Variants in RTEL1 observed in about 807,000 individuals in gnomAD.
The protein encoded by RTEL1 is regulator of telomere elongation helicase 1, also known as regulator of telomere length.
A neutral mutation model predicts 162.2 loss-of-function variants in RTEL1; 86 were observed. The observed-to-expected ratio is 0.53, with a 90% confidence interval of 0.45 to 0.63. The LOEUF (loss-of-function observed/expected upper bound fraction) is 0.63, where lower values mean the gene tolerates loss of function less well. Ranked by LOEUF, RTEL1 falls within the 30% of genes least tolerant of loss-of-function variation. The pLI, the probability that RTEL1 is intolerant of heterozygous loss-of-function variation, is 0.00. For missense variants in RTEL1, 1,941 were observed against 1,750.2 expected (o/e 1.11, Z -1.95); for synonymous variants, 958 against 717.9 (o/e 1.33, Z -5.35).
chr20:63,682,138 A>G, intron 14 of RTEL1: 2 of 985,468 alleles, frequency 2.0e-6, no homozygotes, highest in Non-Finnish European at 2.4e-6. Context: ...CTTATGGAGA[A>G]GTCTCCTCCA....
chr20:63,685,904 G>T (rs41310193), intron 16 of RTEL1, 32 bp downstream of exon 16: 1 of 1,594,916 alleles, frequency 6.3e-7, no homozygotes, highest in Non-Finnish European at 8.6e-7. Flanking sequence ...CTCCCCGCCC[G>T]CCCGGGTGCA....
Position 63,661,455 on chromosome 20 carries a change from C to T in RTEL1, c.260C>T (p.Ser87Leu). The change falls in exon 3 of 35, where the codon TCA (serine) becomes TTA (leucine). Residue 87 changes from serine (S) to leucine (L), a missense_variant. Ser to Leu is a moderately radical substitution (Grantham distance 145). Coordinates refer to ENST00000360203, the MANE Select transcript of RTEL1 (RefSeq NM_001283009.2). This position sits in a 1 kb window ranked among gnomAD's most constrained non-coding sequence, Gnocchi z 5.1. ...QGELFPDRAL[S>L]SWGNAAAAAG... ...GAGCTTTTCCCGGATCGGGCCTTGT[C>T]ATCCTGGGGCAACGCTGCTGCTGCT... 6.2e-7 allele frequency: 1 copy of T among 1,613,278 alleles called. No individual in the cohort carries two copies. The highest frequency in any genetic ancestry group is 1.7e-5 in the Admixed American group (1 of 60,018).
intron 8 of RTEL1, among the ~76,000 whole-genome samples, chr20:63,670,927 A>G (rs1202081775): frequency 1.3e-5 from 2 of 152,198 alleles, no homozygotes; most frequent in South Asian, 4.1e-4. Flanking sequence ...CCACAGGTGA[A>G]TGGACAGACC....
At chr20:63,663,688 G>A (rs1275657135) in intron 6 of RTEL1, among the ~76,000 whole-genome samples, 2 of 152,220 alleles carry the variant, frequency 1.3e-5, no homozygotes, top group East Asian at 3.9e-4. Context: ...GTGCTTCTGT[G>A]GGATCAGGGT....
Position 63,695,636 on chromosome 20 carries a change from C to G in RTEL1, c.3808C>G (p.Gln1270Glu). The G allele has an allele frequency of 6.2e-7, 1 of 1,611,454 alleles. No homozygotes were observed. The highest frequency in any genetic ancestry group is 1.1e-5 in the South Asian group (1 of 91,064). Residue 1270 changes from glutamine to glutamate, a missense_variant, in exon 34 of 35, where the codon CAA becomes GAA. Physicochemically the swap from Gln to Glu is conservative, Grantham distance 29 (BLOSUM62 2). Transcript: ENST00000360203. ...CDFQRCQACWQRHLQASRMCP... is the reference protein window; with the variant it reads ...CDFQRCQACWERHLQASRMCP... ...CTTCCAGCGCTGCCAAGCCTGCTGG[C>G]AACGGCACCTTCAGGTTGGTGCCTG...
At chr20:63,666,132 C>T in intron 7 of RTEL1, 53 bp downstream of exon 7, 1 of 1,414,326 alleles carries the variant, frequency 7.1e-7, no homozygotes, top group Non-Finnish European at 9.9e-7. Context: ...CCCAGCTCTC[C>T]TGTGACCTGT....
At chr20:63,676,905 A>G (rs932440680) in intron 10 of RTEL1, among the ~76,000 whole-genome samples, 9 of 112,634 alleles carry the variant, frequency 8.0e-5, no homozygotes, top group African/African-American at 1.9e-4. Context: ...ATTGCACTCC[A>G]GCCTGGCGAC....
chr20:63,677,455 A>G (rs569315352), intron 10 of RTEL1, among the ~76,000 whole-genome samples: 5 of 152,164 alleles, frequency 3.3e-5, no homozygotes, highest in African/African-American at 7.2e-5. Context: ...TCTCTACTAA[A>G]AATGCGAAAA....
At position 63,692,909 on chromosome 20, in the gene RTEL1, G is replaced by A. The variant is rs1384223139; in HGVS notation, c.2757G>A (p.Leu919=). 1.1e-5 allele frequency: 18 copies of A among 1,612,550 alleles called. No individual in the cohort carries two copies. Among genetic ancestry groups the A allele is most frequent in the Non-Finnish European group, 1.4e-5 (17 of 1,179,872 alleles). Residue 919 remains leucine (L), a synonymous_variant, in exon 29 of 35, where the codon CTG becomes CTA. Coordinates refer to ENST00000360203, the MANE Select transcript of RTEL1 (RefSeq NM_001283009.2). Reference sequence around the variant, plus strand: ...ACTTTGCCACCTTCACCCAGGCCCTGCAGGACTACAAGGGTTCCGATGACT... The same window carrying A: ...ACTTTGCCACCTTCACCCAGGCCCTACAGGACTACAAGGGTTCCGATGACT... The part of the protein sequence containing the change: ...QANFATFTQA[L]QDYKGSDDFA...
At chr20:63,683,583 C>T (rs1051857686) in intron 14 of RTEL1, among the ~76,000 whole-genome samples, 1 of 152,192 alleles carries the variant, frequency 6.6e-6, no homozygotes, top group Non-Finnish European at 1.5e-5. Flanking sequence ...GTGGTGTCTG[C>T]CCCCCGGTGT....
At chr20:63,688,473 C>T in intron 20 of RTEL1, 55 bp from the exon 21 acceptor site, 4 of 1,606,600 alleles carry the variant, frequency 2.5e-6, no homozygotes, top group Non-Finnish European at 2.6e-6. Context: ...TGCTTGCCCT[C>T]ATCGGATCGG....
At chr20:63,685,952 C>A (rs921291277) in intron 16 of RTEL1, 80 bp downstream of exon 16, 1 of 1,380,412 alleles carries the variant, frequency 7.2e-7, no homozygotes, top group South Asian at 1.2e-5. Context: ...AGGCACATGC[C>A]CAGCCGTGGA....
In RTEL1 at chr20:63,673,934, C is replaced by G. The variant is rs1159415092; in HGVS notation, c.766-6C>G. ...CTGTGGTGATTCGGGTGTGCTTGGG[C>G]TCTAGGAGAAGATGTGTGAAGAATC... On this transcript the variant is annotated splice_region_variant and splice_polypyrimidine_tract_variant and intron_variant, in intron 9 of 34. Transcript: ENST00000360203. The G allele has an allele frequency of 1.2e-6, 2 of 1,607,412 alleles. No individual in the cohort carries two copies. The highest frequency in any genetic ancestry group is 2.2e-5 in the East Asian group (1 of 44,780).
rs757015591 is a variant in RTEL1, at chr20:63,662,898, A to G, written c.538+9A>G. On this transcript the variant is annotated intron_variant, in intron 6 of 34. Transcript: ENST00000360203. ...CTACAACAACGTAGAAGGTACAAGC[A>G]GCTGGGTGGGACCAGGGTCGGGTTG... 1.2e-6 allele frequency: 2 copies of G among 1,613,658 alleles called. No homozygotes were observed. Among genetic ancestry groups the G allele is most frequent in the Non-Finnish European group, 8.5e-7 (1 of 1,179,702 alleles).
chr20:63,682,705 C>G, intron 14 of RTEL1: 1 of 985,742 alleles, frequency 1.0e-6, no homozygotes, highest in Middle Eastern at 5.2e-4. Context: ...GCCTGCAGCC[C>G]TGAGTCACAG....
At position 63,690,494 on chromosome 20, in the gene RTEL1, G is replaced by A. The variant is rs576628995; in HGVS notation, c.2413+53G>A. 3.9e-4 allele frequency: 524 copies of A among 1,336,840 alleles called. 1 individual carries two copies. In the African/African-American group the frequency reaches 6.9e-3, roughly 18 times the overall value. 82.8% of individuals were successfully genotyped at this position (1,336,840 alleles called of 1,614,324 possible). On this transcript the variant is annotated intron_variant, in intron 26 of 34. Coordinates refer to ENST00000360203, the MANE Select transcript of RTEL1 (RefSeq NM_001283009.2). ...GTGTGGGGGTGGCGGAGCGGGCGGC[G>A]TGGGGCGGGCAGCACCAGGCGCCCA...
intron 26 of RTEL1, 93 bp downstream of exon 26, chr20:63,690,534 C>CA (rs771047249): frequency 7.8e-6 from 11 of 1,408,812 alleles, no homozygotes; most frequent in Non-Finnish European, 9.4e-6. Flanking sequence ...GGAGGCGACT[C>CA]ACCTGGCTTT....
chr20:63,673,665 C>T (rs2090290196), intron 9 of RTEL1, among the ~76,000 whole-genome samples: 1 of 152,144 alleles, frequency 6.6e-6, no homozygotes, highest in Non-Finnish European at 1.5e-5. Context: ...TCTTGAACCC[C>T]TGAGCTCAAG....
Position 63,661,256 on chromosome 20 carries a change from CT to C in RTEL1, c.103-40del, listed in dbSNP as rs781681574. The C allele has an allele frequency of 6.3e-7, 1 of 1,587,856 alleles. No homozygotes were observed. The highest frequency in any genetic ancestry group is 1.3e-5 in the African/African-American group (1 of 74,360). ...CAGGGCAGCTTGTGTGGCCTCGCCT[CT>C]TCCTGGCTTCCCCGTAACCCTTGCT... On this transcript the variant is annotated intron_variant, in intron 2 of 34. Coordinates refer to ENST00000360203, the MANE Select transcript of RTEL1 (RefSeq NM_001283009.2). The surrounding 1 kb of genome is among the most constrained non-coding windows in gnomAD (Gnocchi z 5.1).
Sources: allele counts gnomAD v4.1 joint callset (sites outside exome capture counted in the v4.1 genomes callset), GRCh38; gene constraint gnomAD v4.1.1; non-coding constraint Gnocchi (gnomAD v3.1); transcripts MANE v1.5; gene names NCBI Gene and HGNC (gene_info 2026-07-23, HGNC 2026-07-21).